LYST: variants seen among roughly 807,000 people sequenced by gnomAD.
LYST encodes the protein lysosomal-trafficking regulator.
A neutral mutation model predicts 413.6 loss-of-function variants in LYST; 192 were observed. That is an observed-to-expected ratio of 0.46 (90% confidence interval 0.41 to 0.52). The LOEUF (loss-of-function observed/expected upper bound fraction) is 0.52, where lower values mean the gene tolerates loss of function less well. Among genes scored for constraint, LYST ranks in the 20% least tolerant of loss-of-function variants. The probability of loss-of-function intolerance (pLI) is 0.00; values close to 1 mark genes in which losing one functional copy is unlikely to be tolerated. For missense variants in LYST, 3,815 were observed against 4,499.9 expected (o/e 0.85, Z 4.35); for synonymous variants, 1,525 against 1,567.3 (o/e 0.97, Z 0.64).
At chr1:235,848,303 A>G (rs1678120319) in intron 1 of LYST, among the ~76,000 whole-genome samples, 1 of 152,208 alleles carries the variant, frequency 6.6e-6, no homozygotes, top group Non-Finnish European at 1.5e-5. Context: ...AAACGAAATC[A>G]AGATAGAAAT....
intron 1 of LYST, among the ~76,000 whole-genome samples, chr1:235,843,524 C>T (rs945514675): frequency 2.6e-5 from 4 of 152,046 alleles, no homozygotes; most frequent in Admixed American, 6.6e-5. Context: ...ACATTGTTGA[C>T]AAATTTTATA....
chr1:235,720,994 G>GAGA, intron 39 of LYST, 89 bp from the exon 40 acceptor site: 1 of 1,317,890 alleles, frequency 7.6e-7, no homozygotes, highest in Non-Finnish European at 1.1e-6. Flanking sequence ...TTATAGACAT[G>GAGA]TTACAAATCT....
In LYST at chr1:235,697,222, G is replaced by C; in HGVS notation, c.10425C>G (p.Ser3475=). 6.2e-7 allele frequency: 1 copy of C among 1,613,970 alleles called. No homozygotes were observed. The highest frequency in any genetic ancestry group is 8.5e-7 in the Non-Finnish European group (1 of 1,179,946). The part of the protein sequence containing the change: ...KGLKWGEYVG[S]PSAPVPVVCF... Reference sequence around the variant, plus strand: ...AGACCACAGGTACTGGAGCACTGGGGGAACCCACGTATTCCCCCCATTTCA... The same window carrying C: ...AGACCACAGGTACTGGAGCACTGGGCGAACCCACGTATTCCCCCCATTTCA... The change falls in exon 46 of 53, where the codon TCC becomes TCG. Residue 3475 remains serine, a synonymous_variant. Transcript: ENST00000389793.
At chr1:235,694,120 G>A (rs765435015) in intron 46 of LYST, among the ~76,000 whole-genome samples, 11 of 150,502 alleles carry the variant, frequency 7.3e-5, no homozygotes, top group East Asian at 1.9e-4. Context: ...GGTGATTCTC[G>A]TGCCTCAGCC....
intron 19 of LYST, among the ~76,000 whole-genome samples, chr1:235,773,301 GA>G (rs1668894764): frequency 6.6e-6 from 1 of 150,826 alleles, no homozygotes. Flanking sequence ...CTGGGCAAAA[GA>G]GTAAAACTCC....
Position 235,787,291 on chromosome 1 carries a change from T to C in LYST, c.4771A>G (p.Lys1591Glu), listed in dbSNP as rs973390895. Residue 1591 changes from lysine to glutamate, a missense_variant, in exon 14 of 53, where the codon AAA (lysine) becomes GAA (glutamate). By Grantham distance (56) the Lys-to-Glu change is moderately conservative. Around this residue, in one of 4 missense-constraint regions of LYST, gnomAD observed 530 missense variants for 696.5 expected, o/e 0.76. Coordinates refer to ENST00000389793, the MANE Select transcript of LYST (RefSeq NM_000081.4). The part of the protein sequence containing the change: ...ESQENIFLPS[K>E]WQHLVLTYLQ... ...TAGGTGAGTACTAAATGTTGCCATT[T>C]GCTTGGGAGGAAAATATTCTCCTGT... 6.2e-7 allele frequency: 1 copy of C among 1,613,606 alleles called. No homozygotes were observed. Among genetic ancestry groups the C allele is most frequent in the African/African-American group, 1.3e-5 (1 of 74,888 alleles).
chr1:235,777,084 T>C lies in LYST; in HGVS notation c.5439A>G (p.Ile1813Met), dbSNP rs1488284681. 7 of 1,613,412 alleles carry C rather than the reference T, an allele frequency of 4.3e-6. No homozygotes were observed. The highest frequency in any genetic ancestry group is 4.0e-5 in the African/African-American group (3 of 74,892). ...TTACCCTGGCAAAGAGAAAAACAAA[T>C]ATGCCAGTTCCACCAATTTCGTGCA... is the stretch of plus-strand genomic sequence containing the variant. ...GILHEIGGTG[I>M]FVFLFARVVE... is the part of the protein sequence containing the mutation. The change falls in exon 17 of 53, where the codon ATA becomes ATG. Residue 1813 changes from isoleucine (I) to methionine (M), a missense_variant. Physicochemically the swap from Ile to Met is conservative, Grantham distance 10. Around this residue, in one of 4 missense-constraint regions of LYST, gnomAD observed 530 missense variants for 696.5 expected, o/e 0.76. Transcript: ENST00000389793.
intron 1 of LYST, among the ~76,000 whole-genome samples, chr1:235,845,866 C>T (rs1204462147): frequency 6.6e-6 from 1 of 152,036 alleles, no homozygotes; most frequent in Admixed American, 6.5e-5. Flanking sequence ...CTCATACACA[C>T]CTAGCCCCAC....
At chr1:235,784,446 T>C (rs561656373) in intron 14 of LYST, among the ~76,000 whole-genome samples, 21 of 152,320 alleles carry the variant, frequency 1.4e-4, no homozygotes, top group African/African-American at 5.1e-4. Context: ...TTTCTAATAG[T>C]TTATGGTTCC....
At chr1:235,751,702 T>G (rs1666514403) in intron 27 of LYST, among the ~76,000 whole-genome samples, 1 of 152,118 alleles carries the variant, frequency 6.6e-6, no homozygotes, top group South Asian at 2.1e-4. Flanking sequence ...ATAATTACCA[T>G]TAAAGAAAAC....
chr1:235,759,435 C>T lies in LYST; in HGVS notation c.6418G>A (p.Val2140Ile). The stretch of plus-strand genomic sequence containing the variant: ...TTTTGTTTCTTTGATTGGGTGGCAA[C>T]ATAAGTATCTGCAATATTTTGTAAC... ...DRLQNIADTY[V>I]ATQSKKQNSL... The change falls in exon 23 of 53, where the codon GTT becomes ATT. Residue 2140 changes from valine (V) to isoleucine (I), a missense_variant. Transcript: ENST00000389793. 2.5e-6 allele frequency: 4 copies of T among 1,614,090 alleles called. No individual in the cohort carries two copies. The highest frequency in any genetic ancestry group is 3.4e-6 in the Non-Finnish European group (4 of 1,179,982).
chr1:235,746,414 T>G lies in LYST; in HGVS notation c.7894A>C (p.Ser2632Arg). Residue 2632 changes from serine to arginine, a missense_variant, in exon 29 of 53, where the codon AGC becomes CGC. Ser to Arg is a moderately radical substitution (Grantham distance 110, BLOSUM62 -1). Transcript: ENST00000389793. ...GCAAGTTCCGTTTCAGTTGCTTGGC[T>G]AGGGTTCTCTTGGCTCATTCTCCGT... Reference protein sequence around the residue: ...MQRRMSQENPSQATETELAQR... With the variant: ...MQRRMSQENPRQATETELAQR... 1 of 1,613,992 alleles carries G rather than the reference T, an allele frequency of 6.2e-7. No individual in the cohort carries two copies. Among genetic ancestry groups the G allele is most frequent in the Non-Finnish European group, 8.5e-7 (1 of 1,179,916 alleles).
At position 235,698,325 on chromosome 1, in the gene LYST, C is replaced by T. The variant is rs150814737; in HGVS notation, c.10375-1053G>A. On this transcript the variant is annotated intron_variant, in intron 45 of 52. Transcript: ENST00000389793. ...TAAATGAAAAAAAAGGCATCACTGA[C>T]GTATAGACTATCTTTTAAAAAAATC... Among the ~76,000 whole-genome samples, 1,403 of 152,156 alleles carry T rather than the reference C, an allele frequency of 9.2e-3. 25 individuals are homozygous for T. The highest frequency in any genetic ancestry group is 0.032 in the African/African-American group (1,336 of 41,512).
chr1:235,751,870 AACT>A, intron 27 of LYST, 132 bp downstream of exon 27: 1 of 702,684 alleles, frequency 1.4e-6, no homozygotes, highest in Non-Finnish European at 2.3e-6. Context: ...TCTTTTTAAA[AACT>A]GATAGATACT....
chr1:235,735,133 A>T (rs1664712328), intron 31 of LYST: 1 of 152,382 alleles, frequency 6.6e-6, no homozygotes. Context: ...TTGGGGAAAG[A>T]ATTTTGGAAA....
intron 48 of LYST, among the ~76,000 whole-genome samples, chr1:235,681,783 C>T (rs1034015799): frequency 6.6e-6 from 1 of 152,178 alleles, no homozygotes; most frequent in South Asian, 2.1e-4. Flanking sequence ...CTACTCATCA[C>T]ATTTGGATGC....
At chr1:235,670,479 C>T (rs550179260) in intron 50 of LYST, among the ~76,000 whole-genome samples, 8 of 152,308 alleles carry the variant, frequency 5.3e-5, no homozygotes, top group Middle Eastern at 3.4e-3. Flanking sequence ...CATTCTCCTC[C>T]GGAGAAGGGT....
intron 3 of LYST, among the ~76,000 whole-genome samples, chr1:235,817,283 A>C (rs2102930350): frequency 6.6e-6 from 1 of 152,360 alleles, no homozygotes. Flanking sequence ...TGGGAACGTA[A>C]GTTAGTTCAG....
rs939213409 is a variant in LYST at position 235,663,880 on chromosome 1, A to C, written c.11267+104T>G. ...GTTAAGTGGTTGGCTTTTCATGATGACTTCAATTGCACATTTCTTTAAGTC... is the reference window on the plus strand; with the variant it reads ...GTTAAGTGGTTGGCTTTTCATGATGCCTTCAATTGCACATTTCTTTAAGTC... On this transcript the variant is annotated intron_variant, in intron 52 of 52. Coordinates refer to ENST00000389793, the MANE Select transcript of LYST (RefSeq NM_000081.4). The C allele has an allele frequency of 4.0e-6, 4 of 1,000,976 alleles. No homozygotes were observed. The Admixed American group carries it at 6.8e-5, about 17-fold the overall frequency. 62.0% of individuals were successfully genotyped at this position (1,000,976 alleles called of 1,614,324 possible). A position where few individuals can be genotyped will look rare whatever the true frequency, so the allele number is the denominator to read the frequency against.
Sources: gnomAD v4.1 joint callset for allele counts (sites outside exome capture counted in the v4.1 genomes callset) on GRCh38, gnomAD v4.1.1 for gene constraint, gnomAD v4.1.1 regional missense constraint, MANE v1.5 for transcripts, NCBI Gene and HGNC (gene_info 2026-07-23, HGNC 2026-07-21) for gene names.